Variants in PPM1E observed in about 807,000 individuals in gnomAD.
The protein encoded by PPM1E is protein phosphatase, Mg2+/Mn2+ dependent 1E, also known as protein phosphatase 1E.
PPM1E carries 20 observed loss-of-function variants against 65.9 expected under a neutral mutation model. The observed-to-expected ratio is 0.30, with a 90% CI of 0.21 to 0.44. The LOEUF (loss-of-function observed/expected upper bound fraction) is 0.44, where lower values mean the gene tolerates loss of function less well. Ranked by LOEUF, PPM1E falls within the 20% of genes least tolerant of loss-of-function variation. The pLI is 1.00. For synonymous variants in PPM1E, 352 were observed against 374.9 expected, an observed-to-expected ratio of 0.94 and a Z score of 0.70; for missense variants, 713 against 953.1, an observed-to-expected ratio of 0.75 and a Z score of 3.32.
intron 1 of PPM1E, among the ~76,000 whole-genome samples, chr17:58,826,245 C>T (rs569922408): frequency 4.7e-5 from 7 of 149,268 alleles, no homozygotes; most frequent in African/African-American, 1.5e-4. Context: ...TGCAGTGAGC[C>T]GAGATGGCTC....
intron 1 of PPM1E, among the ~76,000 whole-genome samples, chr17:58,881,726 C>T (rs2143392075): frequency 6.6e-6 from 1 of 152,058 alleles, no homozygotes; most frequent in East Asian, 1.9e-4. Flanking sequence ...CACCTGTAGT[C>T]TCAGCTACTC....
At chr17:58,795,435 G>C (rs2050196513) in intron 1 of PPM1E, among the ~76,000 whole-genome samples, 1 of 152,158 alleles carries the variant, frequency 6.6e-6, no homozygotes, top group South Asian at 2.1e-4. Context: ...GGGTGTGGGG[G>C]CTCATGTCTG....
At position 58,866,177 on chromosome 17, in the gene PPM1E, T is replaced by C. The variant is rs72828725; in HGVS notation, c.465-89472T>C. On this transcript the variant is annotated intron_variant, in intron 1 of 6. Coordinates refer to ENST00000308249, the MANE Select transcript of PPM1E (RefSeq NM_014906.5). ...CAGCCTTTTCAAGTTAGCTTTTTTC[T>C]TGATTAGATTACTAACTTCAGGGTG... 4.5e-3 allele frequency among the ~76,000 whole-genome samples: 693 copies of C among 152,340 alleles called. 3 individuals carry two copies. The highest frequency in any genetic ancestry group is 7.1e-3 in the Non-Finnish European group (481 of 68,028).
rs1240906437 is a variant in PPM1E at position 58,765,324 on chromosome 17, C to T, written c.464+8863C>T. Among the ~76,000 whole-genome samples, 6 of 151,494 alleles carry T rather than the reference C, an allele frequency of 4.0e-5. 1 individual carries two copies. The South Asian group carries it at 1.3e-3, about 32-fold the overall frequency. ...TCCCGAGTAGCTGGGATTACAGGCA[C>T]GCATCACCATGCCCAGCTAATTTTT... On this transcript the variant is annotated intron_variant, in intron 1 of 6. Transcript: ENST00000308249.
chr17:58,800,777 C>A (rs2050251544), intron 1 of PPM1E, among the ~76,000 whole-genome samples: 1 of 151,980 alleles, frequency 6.6e-6, no homozygotes, highest in South Asian at 2.1e-4. Flanking sequence ...CTCTTTTATT[C>A]CTCACCTGGG....
At chr17:58,816,741 A>AATAT (rs67568496) in intron 1 of PPM1E, among the ~76,000 whole-genome samples, 7 of 85,254 alleles carry the variant, frequency 8.2e-5, no homozygotes, top group East Asian at 5.0e-4. Context: ...TCAGAATATA[A>AATAT]ATATATATAT....
intron 1 of PPM1E, among the ~76,000 whole-genome samples, chr17:58,891,668 A>G (rs1460177230): frequency 6.6e-6 from 1 of 152,038 alleles, no homozygotes; most frequent in Non-Finnish European, 1.5e-5. Flanking sequence ...AAAATTGCAG[A>G]CTATAGGAAA....
At chr17:58,921,816 G>C (rs780884723) in intron 1 of PPM1E, among the ~76,000 whole-genome samples, 15 of 152,018 alleles carry the variant, frequency 9.9e-5, no homozygotes, top group Non-Finnish European at 1.6e-4. Context: ...CGAGGTGGGT[G>C]GATTGTCTGA....
intron 1 of PPM1E, among the ~76,000 whole-genome samples, chr17:58,938,317 A>G (rs1407276072): frequency 6.6e-6 from 1 of 152,220 alleles, no homozygotes; most frequent in Non-Finnish European, 1.5e-5. Context: ...AGCTATAACT[A>G]GAACCCACCT....
intron 1 of PPM1E, among the ~76,000 whole-genome samples, chr17:58,883,507 G>A (rs1256727659): frequency 4.0e-5 from 5 of 125,712 alleles, no homozygotes; most frequent in South Asian, 2.5e-4. Context: ...TTTTTGAGAC[G>A]GAGTCTCGCT....
intron 1 of PPM1E, among the ~76,000 whole-genome samples, chr17:58,824,078 T>C (rs540273576): frequency 1.1e-4 from 16 of 152,078 alleles, no homozygotes; most frequent in Admixed American, 4.6e-4. Context: ...CCCAAATATA[T>C]GGATGTGTAG....
intron 1 of PPM1E, among the ~76,000 whole-genome samples, chr17:58,761,334 G>T (rs1354971531): frequency 6.6e-6 from 1 of 152,072 alleles, no homozygotes; most frequent in Non-Finnish European, 1.5e-5. Context: ...AGGAGCTGGG[G>T]GCAACATCTG....
At chr17:58,844,475 C>T (rs2050752099) in intron 1 of PPM1E, among the ~76,000 whole-genome samples, 1 of 152,094 alleles carries the variant, frequency 6.6e-6, no homozygotes, top group Admixed American at 6.6e-5. Context: ...ATATAATATA[C>T]ATTGTATGAC....
chr17:58,787,759 T>G (rs2050114949), intron 1 of PPM1E, among the ~76,000 whole-genome samples: 1 of 151,668 alleles, frequency 6.6e-6, no homozygotes, highest in Non-Finnish European at 1.5e-5. Context: ...TACAAAAAAT[T>G]AGCCAGGCGT....
At chr17:58,834,699 C>G (rs1360047531) in intron 1 of PPM1E, among the ~76,000 whole-genome samples, 2 of 152,236 alleles carry the variant, frequency 1.3e-5, no homozygotes, top group East Asian at 3.9e-4. Context: ...AATTGGTTGT[C>G]TGTACAAGTG....
rs781472608 is a variant in PPM1E at position 58,969,591 on chromosome 17, A to C, written c.836A>C (p.Asp279Ala). 6.2e-7 allele frequency: 1 copy of C among 1,614,164 alleles called. No homozygotes were observed. The highest frequency in any genetic ancestry group is 1.1e-5 in the South Asian group (1 of 91,072). The change falls in exon 4 of 7, where the codon GAT becomes GCT. Residue 279 changes from aspartate (D) to alanine (A), a missense_variant. Asp to Ala is a moderately radical substitution (Grantham distance 126, BLOSUM62 -2). Around this residue, in one of 6 missense-constraint regions of PPM1E, gnomAD observed 25 missense variants for 73.9 expected, o/e 0.34. Coordinates refer to ENST00000308249, the MANE Select transcript of PPM1E (RefSeq NM_014906.5). ...FAVFDGHGGV[D>A]AAIYASIHLH... ...GTGTTTGATGGCCATGGGGGAGTAG[A>C]TGCTGCTATTTATGCCTCCATTCAC...
chr17:58,810,125 C>T (rs1047844759), intron 1 of PPM1E, among the ~76,000 whole-genome samples: 2 of 152,126 alleles, frequency 1.3e-5, no homozygotes, highest in Non-Finnish European at 2.9e-5. Context: ...TGCTTAGTAG[C>T]TACGTGTGGA....
At chr17:58,971,337 T>C (rs1191696871) in intron 4 of PPM1E, among the ~76,000 whole-genome samples, 2 of 152,156 alleles carry the variant, frequency 1.3e-5, no homozygotes, top group Admixed American at 1.3e-4. Flanking sequence ...AGAGACCTTT[T>C]ACCACCCCTG....
intron 6 of PPM1E, among the ~76,000 whole-genome samples, chr17:58,975,055 A>G (rs573396908): frequency 1.4e-4 from 22 of 152,294 alleles, no homozygotes; most frequent in Non-Finnish European, 2.8e-4. Context: ...TATCATGCAC[A>G]TTGTAGGTTT....
Sources: gnomAD v4.1 joint callset for allele counts (sites outside exome capture counted in the v4.1 genomes callset) on GRCh38, gnomAD v4.1.1 for gene constraint, gnomAD v4.1.1 regional missense constraint, MANE v1.5 for transcripts, NCBI Gene and HGNC (gene_info 2026-07-23, HGNC 2026-07-21) for gene names.